The following PTPN9 variants were observed in gnomAD, a reference collection of about 807,000 sequenced individuals.
PTPN9 encodes tyrosine-protein phosphatase non-receptor type 9.
In PTPN9, 26 loss-of-function variants were observed where a neutral mutation model predicts 69.8. The ratio of observed to expected loss-of-function variants is 0.37; its 90% confidence interval spans 0.27 to 0.52. The LOEUF (loss-of-function observed/expected upper bound fraction) is 0.52. Among genes scored for constraint, PTPN9 ranks in the 20% least tolerant of loss-of-function variants. The pLI is 0.91. For synonymous variants in PTPN9, 274 were observed against 272.5 expected (o/e 1.01, Z -0.05); for missense variants, 549 against 740.3 (o/e 0.74, Z 3.00).
At chr15:75,482,911 T>A (rs2074651699) in intron 8 of PTPN9, among the ~76,000 whole-genome samples, 1 of 151,430 alleles carries the variant, frequency 6.6e-6, no homozygotes, top group Non-Finnish European at 1.5e-5. Context: ...GCTGAGATCG[T>A]GCCACTGCAC....
intron 8 of PTPN9, among the ~76,000 whole-genome samples, chr15:75,486,028 A>G (rs1397313148): frequency 7.2e-6 from 1 of 139,424 alleles, no homozygotes; most frequent in African/African-American, 2.7e-5. Flanking sequence ...CGAACCCGGG[A>G]GGTGGAGGTT....
At chr15:75,530,676 ATAT>A (rs1265498464) in intron 1 of PTPN9, among the ~76,000 whole-genome samples, 8 of 34,424 alleles carry the variant, frequency 2.3e-4, no homozygotes, top group African/African-American at 4.6e-4. Context: ...ACTATTATAT[ATAT>A]TATTATATTA....
chr15:75,482,641 G>A (rs1469577308), intron 8 of PTPN9, among the ~76,000 whole-genome samples: 10 of 149,620 alleles, frequency 6.7e-5, no homozygotes, highest in South Asian at 6.3e-4. Flanking sequence ...CAAACACTGC[G>A]GAAGGCCGCA....
In PTPN9 at chr15:75,527,170, A is replaced by T. The variant is rs768801786; in HGVS notation, c.155T>A (p.Met52Lys). 1 of 1,614,082 alleles carries T rather than the reference A, an allele frequency of 6.2e-7. No individual in the cohort carries two copies. Among genetic ancestry groups the T allele is most frequent in the Non-Finnish European group, 8.5e-7 (1 of 1,180,044 alleles). The change falls in exon 2 of 13, where the codon ATG becomes AAG. Residue 52 changes from methionine (M) to lysine (K), a missense_variant. By Grantham distance (95) the Met-to-Lys change is moderately conservative. Coordinates refer to ENST00000618819, the MANE Select transcript of PTPN9 (RefSeq NM_002833.4). ...LSWNVAVKFLMARKFDVLRAI... is the reference protein window; with the variant it reads ...LSWNVAVKFLKARKFDVLRAI... Reference sequence around the variant, plus strand: ...ACGGAGCACATCAAACTTCCTTGCCATGAGGAACTTGACAGCCACATTCCA... The same window carrying T: ...ACGGAGCACATCAAACTTCCTTGCCTTGAGGAACTTGACAGCCACATTCCA...
In PTPN9 at chr15:75,554,202, T is replaced by A. The variant is rs1479088347; in HGVS notation, c.63+24512A>T. ...CCCGGCTGAAAAAAGAAAAAAAAAT[T>A]TTTTTTTTTGAAATAGAATTTCGCT... On this transcript the variant is annotated intron_variant, in intron 1 of 12. Coordinates refer to ENST00000618819, the MANE Select transcript of PTPN9 (RefSeq NM_002833.4). 1.9e-4 allele frequency among the ~76,000 whole-genome samples: 28 copies of A among 149,660 alleles called. 1 individual carries two copies. Among genetic ancestry groups the A allele is most frequent in the African/African-American group, 6.9e-4 (28 of 40,758 alleles).
At chr15:75,519,844 A>G (rs985863305) in intron 4 of PTPN9, among the ~76,000 whole-genome samples, 2 of 151,948 alleles carry the variant, frequency 1.3e-5, no homozygotes, top group Non-Finnish European at 2.9e-5. Context: ...AATGTGTGGC[A>G]CAGGACAGGT....
chr15:75,475,188 C>T (rs2074589073), intron 9 of PTPN9, among the ~76,000 whole-genome samples: 1 of 152,206 alleles, frequency 6.6e-6, no homozygotes, highest in South Asian at 2.1e-4. Context: ...AGCCACTGCA[C>T]CTGGCCAAAT....
chr15:75,525,577 A>G (rs2074923891), intron 2 of PTPN9, among the ~76,000 whole-genome samples: 1 of 151,702 alleles, frequency 6.6e-6, no homozygotes, highest in Non-Finnish European at 1.5e-5. Flanking sequence ...TATACCGATA[A>G]CAAAAAAATA....
chr15:75,537,180 C>T lies in PTPN9; in HGVS notation c.64-9919G>A, dbSNP rs532408334. Among the ~76,000 whole-genome samples the T allele has an allele frequency of 6.6e-5, 10 of 150,654 alleles. No individual in the cohort carries two copies. The East Asian group carries it at 1.8e-3, about 27-fold the overall frequency. On this transcript the variant is annotated intron_variant, in intron 1 of 12. Coordinates refer to ENST00000618819, the MANE Select transcript of PTPN9 (RefSeq NM_002833.4). The stretch of plus-strand genomic sequence containing the variant: ...CAGCCTGACCAATATGGCAAAACTC[C>T]GTCTCTACTAAAAATACAAAACTTA...
At chr15:75,556,900 T>C (rs1274059649) in intron 1 of PTPN9, among the ~76,000 whole-genome samples, 1 of 152,150 alleles carries the variant, frequency 6.6e-6, no homozygotes, top group East Asian at 1.9e-4. Context: ...TTTCTGTCCC[T>C]ATGAATGTAC....
At chr15:75,535,361 A>C (rs1440543900) in intron 1 of PTPN9, among the ~76,000 whole-genome samples, 1 of 152,140 alleles carries the variant, frequency 6.6e-6, no homozygotes, top group African/African-American at 2.4e-5. Context: ...TATAAAGAAA[A>C]AGCTGAGGCC....
Position 75,491,417 on chromosome 15 carries a change from A to AT in PTPN9, c.969-1117dup, listed in dbSNP as rs1555453896. 8.1e-3 allele frequency among the ~76,000 whole-genome samples: 1,227 copies of AT among 151,620 alleles called. 3 individuals carry two copies. The highest frequency in any genetic ancestry group is 0.016 in the South Asian group (76 of 4,790). On this transcript the variant is annotated intron_variant, in intron 7 of 12. Transcript: ENST00000618819. ...GACTTTATCTCAAAAAAAAAAAAAA[A>AT]TAATTAAATTTAAAAACAGAGAGAA...
intron 8 of PTPN9, among the ~76,000 whole-genome samples, chr15:75,488,362 T>A: frequency 6.6e-6 from 1 of 150,818 alleles, no homozygotes; most frequent in African/African-American, 2.4e-5. Context: ...TTTTATGAGA[T>A]CACCTAACAA....
intron 5 of PTPN9, chr15:75,513,446 G>C (rs1435131558): frequency 1.5e-5 from 7 of 454,364 alleles, no homozygotes; most frequent in Non-Finnish European, 2.7e-5. Context: ...TAACTGAAGA[G>C]AACAGAGTGA....
rs144499352 is a variant in PTPN9, at chr15:75,505,877, C to T, written c.766G>A (p.Gly256Ser). 1.4e-5 allele frequency: 23 copies of T among 1,613,878 alleles called. No homozygotes were observed. The highest frequency in any genetic ancestry group is 3.3e-4 in the Middle Eastern group (2 of 6,084). The change falls in exon 7 of 13, where the codon GGC becomes AGC. Residue 256 changes from glycine (G) to serine (S), a missense_variant. Physicochemically the swap from Gly to Ser is moderately conservative, Grantham distance 56. Transcript: ENST00000618819. Reference sequence around the variant, plus strand: ...ATCTCATCGAAGGGATCTGGGTGGCCGTTCACCTGGGGTAGGAACTGGAAA... The same window carrying T: ...ATCTCATCGAAGGGATCTGGGTGGCTGTTCACCTGGGGTAGGAACTGGAAA... ...WNFQFLPQVN[G>S]HPDPFDEIIL...
At chr15:75,565,290 GC>G (rs945172109) in intron 1 of PTPN9, among the ~76,000 whole-genome samples, 4 of 152,148 alleles carry the variant, frequency 2.6e-5, no homozygotes, top group Non-Finnish European at 5.9e-5. Flanking sequence ...GAAGTCAATT[GC>G]TGAAATCAGT....
intron 1 of PTPN9, among the ~76,000 whole-genome samples, chr15:75,556,143 C>T (rs1228668774): frequency 6.6e-6 from 1 of 151,114 alleles, no homozygotes; most frequent in Non-Finnish European, 1.5e-5. Flanking sequence ...CGGCTCAGTG[C>T]AACCTCCACC....
rs562528604 is a variant in PTPN9 at position 75,499,553 on chromosome 15, G to A, written c.968+6122C>T. ...CCCAAGTAGCTGGGACTACAGGTGC[G>A]TGCCACCACACCCAGCTAATTTTTG... is the stretch of plus-strand genomic sequence containing the variant. On this transcript the variant is annotated intron_variant, in intron 7 of 12. Transcript: ENST00000618819. 6.7e-4 allele frequency among the ~76,000 whole-genome samples: 101 copies of A among 151,724 alleles called. 1 individual carries two copies. The highest frequency in any genetic ancestry group is 2.3e-3 in the African/African-American group (97 of 41,358).
In PTPN9 at chr15:75,530,721, T is replaced by TATATA. The variant is rs2074956977; in HGVS notation, c.64-3465_64-3461dup. 6.7e-5 allele frequency among the ~76,000 whole-genome samples: 2 copies of TATATA among 29,844 alleles called. 1 individual carries two copies. The highest frequency in any genetic ancestry group is 9.4e-5 in the Non-Finnish European group (2 of 21,304). 19.6% of individuals were successfully genotyped at this position (29,844 alleles called of 152,430 possible). A position where few individuals can be genotyped will look rare whatever the true frequency, so the allele number is the denominator to read the frequency against. On this transcript the variant is annotated intron_variant, in intron 1 of 12. Transcript: ENST00000618819. ...ATATAATATATATTATTATATAATATATATAATATATATTATTATATAATA... is the reference window on the plus strand; with the variant it reads ...ATATAATATATATTATTATATAATATATATAATATAATATATATTATTATATAATA...
Sources: allele counts gnomAD v4.1 joint callset (sites outside exome capture counted in the v4.1 genomes callset), GRCh38; gene constraint gnomAD v4.1.1; transcripts MANE v1.5; gene names NCBI Gene and HGNC (gene_info 2026-07-23, HGNC 2026-07-21).